The following RARB variants were observed in gnomAD, a reference collection of about 807,000 sequenced individuals.
The protein encoded by RARB is retinoic acid receptor beta.
A neutral mutation model predicts 51.9 loss-of-function variants in RARB; 17 were observed. The ratio of observed to expected loss-of-function variants is 0.33; its 90% CI spans 0.22 to 0.49. The LOEUF is 0.49. Ranked by LOEUF, RARB falls within the 20% of genes least tolerant of loss-of-function variation. RARB has a pLI of 0.99. For missense variants in RARB, 369 were observed against 550.8 expected (o/e 0.67, Z 3.30); for synonymous variants, 215 against 195.4 (o/e 1.10, Z -0.84).
intron 5 of RARB, among the ~76,000 whole-genome samples, chr3:25,193,612 ATTTG>A (rs1384133512): frequency 6.6e-6 from 1 of 151,976 alleles, no homozygotes; most frequent in Admixed American, 6.6e-5. Flanking sequence ...TCATTTTAGT[ATTTG>A]TTCATCTTAT....
At chr3:25,583,779 T>A (rs937664558) in intron 5 of RARB, among the ~76,000 whole-genome samples, 1 of 152,224 alleles carries the variant, frequency 6.6e-6, no homozygotes, top group African/African-American at 2.4e-5. Flanking sequence ...GAGGCCACAC[T>A]TTGAGTTTCA....
rs1701482985 is a variant in RARB at position 25,204,552 on chromosome 3, G to A, written c.178+29977G>A. ...TGCTCTGTTTTTTCCCCATCTGTGT[G>A]GTTTTATCTACCTTTGGTCTTTGAT... On this transcript the variant is annotated intron_variant, in intron 5 of 11. Coordinates refer to the RARB transcript ENST00000383772. Among the ~76,000 whole-genome samples, 4 of 152,204 alleles carry A rather than the reference G, an allele frequency of 2.6e-5. No individual in the cohort carries two copies. The South Asian group carries it at 6.2e-4, about 24-fold the overall frequency.
rs186154180 is a variant in RARB at position 25,098,181 on chromosome 3, C to G, written c.-327-33980C>G. Among the ~76,000 whole-genome samples, 5 of 152,006 alleles carry G rather than the reference C, an allele frequency of 3.3e-5. No homozygotes were observed. The East Asian group carries it at 9.7e-4, about 30-fold the overall frequency. On this transcript the variant is annotated intron_variant, in intron 3 of 11. Coordinates refer to the RARB transcript ENST00000383772. ...ACAGGGGGTGAAGCTGGAGCAGAGG[C>G]CTGAAGGGTGAAAAGTTGGTATTTA... is the stretch of plus-strand genomic sequence containing the variant.
intron 3 of RARB, among the ~76,000 whole-genome samples, chr3:25,069,355 C>G (rs7650083): frequency 0.027 from 4,176 of 152,244 alleles, 202 homozygotes; most frequent in African/African-American, 0.095. Context: ...TCCTATCACT[C>G]AGTTCCCTGG....
intron 5 of RARB, among the ~76,000 whole-genome samples, chr3:25,381,566 G>A (rs1475862779): frequency 5.9e-5 from 9 of 152,212 alleles, no homozygotes; most frequent in Admixed American, 5.2e-4. Flanking sequence ...CGTATTAGCT[G>A]TTATCATTTG....
intron 4 of RARB, among the ~76,000 whole-genome samples, chr3:25,161,258 G>T (rs1053185918): frequency 1.3e-5 from 2 of 150,982 alleles, no homozygotes; most frequent in Non-Finnish European, 3.0e-5. Flanking sequence ...ATGTTTGCCA[G>T]GTTGCTCTGA....
chr3:25,116,766 G>A (rs1327471048), intron 3 of RARB, among the ~76,000 whole-genome samples: 1 of 151,998 alleles, frequency 6.6e-6, no homozygotes, highest in Non-Finnish European at 1.5e-5. Flanking sequence ...AAGTCTAAAT[G>A]ACTCAGTATG....
chr3:25,428,095 C>T (rs1302910867), upstream of RARB, among the ~76,000 whole-genome samples: 2 of 152,162 alleles, frequency 1.3e-5, no homozygotes, highest in Non-Finnish European at 2.9e-5. Flanking sequence ...TCGCTGCCTG[C>T]CTCTCTGGCT....
intron 5 of RARB, among the ~76,000 whole-genome samples, chr3:25,402,388 G>A (rs1010345154): frequency 3.3e-5 from 5 of 152,188 alleles, no homozygotes; most frequent in Non-Finnish European, 7.3e-5. Flanking sequence ...AGGGAGAACA[G>A]TTTGGAGGTT....
At chr3:25,579,723 G>C (rs768903233) in intron 4 of RARB, among the ~76,000 whole-genome samples, 1 of 152,092 alleles carries the variant, frequency 6.6e-6, no homozygotes, top group Admixed American at 6.5e-5. Context: ...TGGTTTTGTG[G>C]ATTTTCTGGC....
At chr3:25,365,726 G>A (rs1706098111) in intron 5 of RARB, among the ~76,000 whole-genome samples, 5 of 152,192 alleles carry the variant, frequency 3.3e-5, no homozygotes, top group Admixed American at 3.3e-4. Context: ...TGAGATTGTG[G>A]ACTAAAAGCC....
At chr3:25,218,980 G>T (rs1181701301) in intron 5 of RARB, among the ~76,000 whole-genome samples, 2 of 152,082 alleles carry the variant, frequency 1.3e-5, no homozygotes, top group Non-Finnish European at 2.9e-5. Context: ...CTTTGCACCT[G>T]GATTTCCAGC....
chr3:25,478,723 C>T (rs748471809), intron 2 of RARB, among the ~76,000 whole-genome samples: 129 of 152,246 alleles, frequency 8.5e-4, no homozygotes, highest in Non-Finnish European at 1.6e-3. Context: ...ACACCTGGCT[C>T]TGCCAGCTTT....
intron 5 of RARB, among the ~76,000 whole-genome samples, chr3:25,355,551 A>C (rs1029756370): frequency 1.3e-5 from 2 of 152,006 alleles, no homozygotes; most frequent in Non-Finnish European, 2.9e-5. Context: ...TTTGACCTCT[A>C]CTACTAACCA....
At chr3:25,082,383 G>C (rs1327599935) in intron 3 of RARB, among the ~76,000 whole-genome samples, 2 of 151,366 alleles carry the variant, frequency 1.3e-5, no homozygotes, top group Non-Finnish European at 3.0e-5. Flanking sequence ...TCTGATTTTT[G>C]TTTGTTTTTT....
chr3:25,579,479 A>G (rs1462082783), intron 4 of RARB, among the ~76,000 whole-genome samples: 5 of 152,104 alleles, frequency 3.3e-5, no homozygotes, highest in African/African-American at 1.2e-4. Flanking sequence ...TGGGCGTTTT[A>G]TGTCTGCCTT....
intron 2 of RARB, among the ~76,000 whole-genome samples, chr3:24,863,344 A>G (rs1371410274): frequency 6.6e-6 from 1 of 152,178 alleles, no homozygotes; most frequent in Non-Finnish European, 1.5e-5. Context: ...GGTGATGACA[A>G]TTCCCTGTCT....
intron 1 of RARB, among the ~76,000 whole-genome samples, chr3:25,453,942 A>G (rs1020900725): frequency 2.0e-5 from 3 of 152,220 alleles, no homozygotes; most frequent in African/African-American, 4.8e-5. Context: ...GCAAGATTTC[A>G]AAGCAGAGTT....
intron 3 of RARB, among the ~76,000 whole-genome samples, chr3:25,092,268 G>C (rs1699212100): frequency 6.6e-6 from 1 of 152,132 alleles, no homozygotes; most frequent in South Asian, 2.1e-4. Flanking sequence ...TGATGTTTGA[G>C]CTCTTTTGAG....
Sources: allele counts gnomAD v4.1 joint callset (sites outside exome capture counted in the v4.1 genomes callset), GRCh38; gene constraint gnomAD v4.1.1; transcripts MANE v1.5; gene names NCBI Gene and HGNC (gene_info 2026-07-23, HGNC 2026-07-21).